Variants in IGSF3 observed in about 807,000 individuals in gnomAD.
IGSF3 encodes the protein immunoglobulin superfamily member 3, also known as glu-Trp-Ile EWI motif-containing protein 3.
Under a neutral mutation model 114.4 loss-of-function variants are expected in IGSF3, and 23 were observed. That is an observed-to-expected ratio of 0.20 (90% CI 0.14 to 0.28). The LOEUF is 0.28. Ranked by LOEUF, IGSF3 falls within the 10% of genes least tolerant of loss-of-function variation. The pLI is 1.00. For missense variants in IGSF3, 1,172 were observed against 1,591.5 expected (o/e 0.74, Z 4.48); for synonymous variants, 571 against 645.2 (o/e 0.88, Z 1.74).
rs1386213742 is a variant in IGSF3 at position 116,594,019 on chromosome 1, C to T, written c.2030-4915G>A. Among the ~76,000 whole-genome samples the T allele has an allele frequency of 6.6e-6, 1 of 152,196 alleles. No individual in the cohort carries two copies. Among genetic ancestry groups the T allele is most frequent in the Non-Finnish European group, 1.5e-5 (1 of 68,038 alleles). On this transcript the variant is annotated intron_variant, in intron 7 of 10. Coordinates refer to ENST00000369486, the MANE Select transcript of IGSF3 (RefSeq NM_001007237.3). This position sits in a 1 kb window ranked among gnomAD's most constrained non-coding sequence, Gnocchi z 5.2. ...ACCTACTTTCGTTTTACTATAATCACAATACTTTTATTTTGCATGGTTTTA... is the reference window on the plus strand; with the variant it reads ...ACCTACTTTCGTTTTACTATAATCATAATACTTTTATTTTGCATGGTTTTA...
rs1158601480 is a variant in IGSF3, at chr1:116,615,594, G to A, written c.421+486C>T. On this transcript the variant is annotated intron_variant, in intron 3 of 10. Transcript: ENST00000369486. This position sits in a 1 kb window ranked among gnomAD's most constrained non-coding sequence, Gnocchi z 4.3. ...CAACAAGGGAGACAGCCAGTTCATA[G>A]TTCCTTACGCATGGAGCCAAAGGAC... Among the ~76,000 whole-genome samples, 1 of 152,140 alleles carries A rather than the reference G, an allele frequency of 6.6e-6. No homozygotes were observed. The highest frequency in any genetic ancestry group is 1.5e-5 in the Non-Finnish European group (1 of 68,034).
intron 9 of IGSF3, among the ~76,000 whole-genome samples, chr1:116,581,497 A>G (rs181772746): frequency 1.3e-5 from 2 of 152,274 alleles, no homozygotes; most frequent in African/African-American, 4.8e-5. Flanking sequence ...GATGAAGACC[A>G]AATAGGAGCA....
At position 116,647,734 on chromosome 1, in the gene IGSF3, C is replaced by T. The variant is rs1648460256; in HGVS notation, c.43+18550G>A. On this transcript the variant is annotated intron_variant, in intron 2 of 10. Coordinates refer to ENST00000369486, the MANE Select transcript of IGSF3 (RefSeq NM_001007237.3). The surrounding 1 kb of genome is among the most constrained non-coding windows in gnomAD (Gnocchi z 4.6). ...GACAAACAAACGAAAGGCCGACTGA[C>T]AGACCACTCGGGTAGCACTTTTTCT... Among the ~76,000 whole-genome samples the T allele has an allele frequency of 6.6e-6, 1 of 152,230 alleles. No homozygotes were observed. Among genetic ancestry groups the T allele is most frequent in the Admixed American group, 6.5e-5 (1 of 15,290 alleles).
Position 116,625,895 on chromosome 1 carries a change from A to T in IGSF3, c.44-9438T>A, listed in dbSNP as rs1661555111. On this transcript the variant is annotated intron_variant, in intron 2 of 10. Coordinates refer to ENST00000369486, the MANE Select transcript of IGSF3 (RefSeq NM_001007237.3). The surrounding 1 kb of genome is among the most constrained non-coding windows in gnomAD (Gnocchi z 4.7). ...GACTGCAAACCCAGTAATTCATTTC[A>T]TCCCAACCTGACTGATCTCTCTGAT... Among the ~76,000 whole-genome samples, 2 of 152,196 alleles carry T rather than the reference A, an allele frequency of 1.3e-5. No homozygotes were observed. The highest frequency in any genetic ancestry group is 4.8e-5 in the African/African-American group (2 of 41,436).
At chr1:116,606,390 T>C (rs1288278510) in intron 5 of IGSF3, 15 of 1,538,352 alleles carry the variant, frequency 9.8e-6, no homozygotes, top group East Asian at 6.9e-5. Flanking sequence ...GGAGATGATA[T>C]ATGCAGAAGC....
At chr1:116,630,177 G>A (rs545879485) in intron 2 of IGSF3, among the ~76,000 whole-genome samples, 3 of 152,348 alleles carry the variant, frequency 2.0e-5, no homozygotes, top group African/African-American at 7.2e-5. Context: ...AGCAGTGATG[G>A]TTCAAAAGCC....
intron 7 of IGSF3, among the ~76,000 whole-genome samples, chr1:116,590,787 T>C (rs1277239211): frequency 1.3e-5 from 2 of 151,636 alleles, no homozygotes; most frequent in Non-Finnish European, 2.9e-5. Context: ...GAACCAAAAC[T>C]TGTGAAAGCC....
chr1:116,652,180 A>C (rs946314939), intron 2 of IGSF3, among the ~76,000 whole-genome samples: 1 of 152,234 alleles, frequency 6.6e-6, no homozygotes, highest in African/African-American at 2.4e-5. Flanking sequence ...CAGCATGCAC[A>C]GGGGTTTCAT....
chr1:116,602,362 TAA>T (rs113856068), intron 6 of IGSF3, among the ~76,000 whole-genome samples: 3 of 145,136 alleles, frequency 2.1e-5, no homozygotes, highest in African/African-American at 2.5e-5. Flanking sequence ...CCAGGATGGT[TAA>T]AAAAAAAAAA....
Position 116,598,488 on chromosome 1 carries a change from C to T in IGSF3, c.2029+1453G>A, listed in dbSNP as rs1417281119. Among the ~76,000 whole-genome samples the T allele has an allele frequency of 1.3e-5, 2 of 152,222 alleles. No individual in the cohort carries two copies. The highest frequency in any genetic ancestry group is 4.8e-5 in the African/African-American group (2 of 41,456). On this transcript the variant is annotated intron_variant, in intron 7 of 10. Coordinates refer to ENST00000369486, the MANE Select transcript of IGSF3 (RefSeq NM_001007237.3). The surrounding 1 kb of genome is among the most constrained non-coding windows in gnomAD (Gnocchi z 4.3). Reference sequence around the variant, plus strand: ...ACAGTCTCGTCATTTATACAACTCACTTGTTCCAAATCTGGTACAGAACAG... The same window carrying T: ...ACAGTCTCGTCATTTATACAACTCATTTGTTCCAAATCTGGTACAGAACAG...
intron 2 of IGSF3, among the ~76,000 whole-genome samples, chr1:116,620,316 G>C (rs542283602): frequency 3.3e-5 from 5 of 152,298 alleles, no homozygotes; most frequent in East Asian, 1.9e-4. Context: ...CCAAGGACAA[G>C]AAGGGGACTG....
At chr1:116,602,223 C>T (rs1438902463) in intron 6 of IGSF3, among the ~76,000 whole-genome samples, 1 of 152,132 alleles carries the variant, frequency 6.6e-6, no homozygotes, top group Non-Finnish European at 1.5e-5. Flanking sequence ...CCCTCAGTGC[C>T]CCTGGCTGTG....
intron 2 of IGSF3, among the ~76,000 whole-genome samples, chr1:116,645,287 C>A (rs1226539521): frequency 6.6e-6 from 1 of 152,244 alleles, no homozygotes; most frequent in Non-Finnish European, 1.5e-5. Context: ...CCATGTGCAT[C>A]ACATTCTGTA....
chr1:116,631,479 G>A (rs1647586350), intron 2 of IGSF3, among the ~76,000 whole-genome samples: 1 of 152,138 alleles, frequency 6.6e-6, no homozygotes, highest in African/African-American at 2.4e-5. Flanking sequence ...ATTCCTTCAT[G>A]GTCCTGCGGT....
chr1:116,660,454 C>G (rs1476874545), intron 2 of IGSF3, among the ~76,000 whole-genome samples: 1 of 151,878 alleles, frequency 6.6e-6, no homozygotes, highest in Non-Finnish European at 1.5e-5. Context: ...CAGTGAGCCA[C>G]CACACCTGGC....
chr1:116,594,811 G>A lies in IGSF3; in HGVS notation c.2029+5130C>T, dbSNP rs3945133. Among the ~76,000 whole-genome samples, 96 of 151,842 alleles carry A rather than the reference G, an allele frequency of 6.3e-4. No individual in the cohort carries two copies. The highest frequency in any genetic ancestry group is 1.2e-3 in the Non-Finnish European group (80 of 67,986). ...GATAAGCATGCTGCTCCCACCCTCCGTGACTATATTTATTCACACTCTTCT... is the reference window on the plus strand; with the variant it reads ...GATAAGCATGCTGCTCCCACCCTCCATGACTATATTTATTCACACTCTTCT... On this transcript the variant is annotated intron_variant, in intron 7 of 10. Transcript: ENST00000369486. This position sits in a 1 kb window ranked among gnomAD's most constrained non-coding sequence, Gnocchi z 5.2.
At chr1:116,621,690 T>A (rs1661425828) in intron 2 of IGSF3, among the ~76,000 whole-genome samples, 2 of 152,118 alleles carry the variant, frequency 1.3e-5, no homozygotes, top group Admixed American at 1.3e-4. Flanking sequence ...TACACATGAG[T>A]GTGTTCTTCT....
chr1:116,583,926 C>T lies in IGSF3; in HGVS notation c.2848+719G>A, dbSNP rs1195779138. ...TTGGGACCAGGCACAGTAGCTCACACCTGTAATCCCACCACTTTGAAAAGC... is the reference window on the plus strand; with the variant it reads ...TTGGGACCAGGCACAGTAGCTCACATCTGTAATCCCACCACTTTGAAAAGC... On this transcript the variant is annotated intron_variant, in intron 9 of 10. Coordinates refer to ENST00000369486, the MANE Select transcript of IGSF3 (RefSeq NM_001007237.3). This position sits in a 1 kb window ranked among gnomAD's most constrained non-coding sequence, Gnocchi z 4.5. 6.6e-6 allele frequency among the ~76,000 whole-genome samples: 1 copy of T among 152,172 alleles called. No individual in the cohort carries two copies. The highest frequency in any genetic ancestry group is 1.5e-5 in the Non-Finnish European group (1 of 68,034).
Position 116,592,483 on chromosome 1 carries a change from G to A in IGSF3, c.2030-3379C>T, listed in dbSNP as rs1660156883. On this transcript the variant is annotated intron_variant, in intron 7 of 10. Transcript: ENST00000369486. The surrounding 1 kb of genome is among the most constrained non-coding windows in gnomAD (Gnocchi z 4.5). ...ACTGGAGAGTTTCCTTCCCAGGCTTGTGATTAAAACTTGGAAGATCTGTGT... is the reference window on the plus strand; with the variant it reads ...ACTGGAGAGTTTCCTTCCCAGGCTTATGATTAAAACTTGGAAGATCTGTGT... Among the ~76,000 whole-genome samples, 1 of 152,196 alleles carries A rather than the reference G, an allele frequency of 6.6e-6. No homozygotes were observed. The highest frequency in any genetic ancestry group is 2.4e-5 in the African/African-American group (1 of 41,440).
Sources: allele counts gnomAD v4.1 joint callset (sites outside exome capture counted in the v4.1 genomes callset), GRCh38; gene constraint gnomAD v4.1.1; non-coding constraint Gnocchi (gnomAD v3.1); transcripts MANE v1.5; gene names NCBI Gene and HGNC (gene_info 2026-07-23, HGNC 2026-07-21).